Variants in PIK3R1 observed in about 807,000 individuals in gnomAD.
PIK3R1 encodes the protein phosphatidylinositol 3-kinase regulatory subunit alpha.
PIK3R1 carries 29 observed loss-of-function variants against 98.0 expected under a neutral mutation model. The observed-to-expected ratio is 0.30, with a 90% CI of 0.22 to 0.40. The LOEUF (loss-of-function observed/expected upper bound fraction) is 0.40. PIK3R1 is among the 10% of genes least tolerant of loss of function. The pLI is 1.00. For missense variants in PIK3R1, 596 were observed against 872.7 expected, an observed-to-expected ratio of 0.68 and a Z score of 3.99; for synonymous variants, 282 against 311.8, an observed-to-expected ratio of 0.90 and a Z score of 1.01.
chr5:68,262,807 G>GTATACATA (rs1164462631), intron 2 of PIK3R1, among the ~76,000 whole-genome samples: 171 of 6,560 alleles, frequency 0.026, 50 homozygotes, highest in Non-Finnish European at 0.032. Flanking sequence ...GTAGATACAT[G>GTATACATA]TATACATGTA....
intron 1 of PIK3R1, among the ~76,000 whole-genome samples, chr5:68,225,482 C>T (rs1256871420): frequency 6.6e-6 from 1 of 152,166 alleles, no homozygotes; most frequent in East Asian, 1.9e-4. Context: ...GATCAGGCAC[C>T]CTTTGCTCCT....
In PIK3R1 at chr5:68,293,442, T is replaced by C; in HGVS notation, c.1258T>C (p.Leu420=). Residue 420 remains leucine (L), a synonymous_variant, in exon 10 of 16, where the codon TTG becomes CTG. Coordinates refer to ENST00000521381, the MANE Select transcript of PIK3R1 (RefSeq NM_181523.3). ...NESLAQYNPK[L]DVKLLYPVSK... ...ATCTCTAGCTCAGTATAATCCCAAA[T>C]TGGATGTGAAATTACTTTATCCAGT... 1 of 1,612,858 alleles carries C rather than the reference T, an allele frequency of 6.2e-7. No individual in the cohort carries two copies. Among genetic ancestry groups the C allele is most frequent in the Non-Finnish European group, 8.5e-7 (1 of 1,179,310 alleles).
At chr5:68,216,900 T>C (rs1365436859) in intron 1 of PIK3R1, among the ~76,000 whole-genome samples, 20 of 152,164 alleles carry the variant, frequency 1.3e-4, no homozygotes, top group Non-Finnish European at 1.8e-4. Context: ...CAAGGATATA[T>C]GCAGAATGGC....
chr5:68,217,298 G>A (rs1212084697), intron 1 of PIK3R1, among the ~76,000 whole-genome samples: 1 of 152,122 alleles, frequency 6.6e-6, no homozygotes, highest in Non-Finnish European at 1.5e-5. Context: ...TTACGTTTTG[G>A]CAACCTTAAA....
chr5:68,230,625 G>A (rs1744431150), intron 2 of PIK3R1, among the ~76,000 whole-genome samples: 1 of 152,182 alleles, frequency 6.6e-6, no homozygotes, highest in Admixed American at 6.5e-5. Context: ...CCAGGGCCTG[G>A]GACAGGTAGT....
At chr5:68,273,558 C>T (rs1746449006) in intron 3 of PIK3R1, 76 bp downstream of exon 3, 2 of 1,245,946 alleles carry the variant, frequency 1.6e-6, no homozygotes, top group African/African-American at 1.5e-5. Context: ...GTCTCTTGTG[C>T]ATTCATTAAG....
chr5:68,286,236 A>G (rs974623446), intron 7 of PIK3R1, among the ~76,000 whole-genome samples: 2 of 152,230 alleles, frequency 1.3e-5, no homozygotes, highest in Admixed American at 1.3e-4. Context: ...ATATTGTTTT[A>G]AAGAATCCAG....
At chr5:68,223,965 C>G (rs1744185274) in intron 1 of PIK3R1, among the ~76,000 whole-genome samples, 1 of 152,174 alleles carries the variant, frequency 6.6e-6, no homozygotes, top group African/African-American at 2.4e-5. Context: ...AGAATCCCAC[C>G]AAACTGGCCC....
intron 2 of PIK3R1, among the ~76,000 whole-genome samples, chr5:68,246,793 T>C (rs1441775178): frequency 6.6e-6 from 1 of 152,212 alleles, no homozygotes; most frequent in Non-Finnish European, 1.5e-5. Context: ...TGTGTGTCTT[T>C]TTAAAAGATT....
chr5:68,251,877 C>G (rs1745322412), intron 2 of PIK3R1, among the ~76,000 whole-genome samples: 1 of 151,944 alleles, frequency 6.6e-6, no homozygotes, highest in South Asian at 2.1e-4. Context: ...GGGCCCTCAC[C>G]CGGTTGGGGG....
At chr5:68,282,145 CA>C (rs1338379506) in intron 7 of PIK3R1, among the ~76,000 whole-genome samples, 1 of 152,112 alleles carries the variant, frequency 6.6e-6, no homozygotes, top group Non-Finnish European at 1.5e-5. Flanking sequence ...AATGTTTTAA[CA>C]GGGGTGCCCA....
intron 1 of PIK3R1, among the ~76,000 whole-genome samples, chr5:68,219,524 C>G (rs142822322): frequency 6.6e-6 from 1 of 152,336 alleles, no homozygotes; most frequent in African/African-American, 2.4e-5. Flanking sequence ...CTACTCATCT[C>G]TAAATCCTGG....
chr5:68,273,468 C>T lies in PIK3R1; in HGVS notation c.413C>T (p.Ala138Val). ...CCTCTTCTTATCAAGCTCGTGGAAGCCATTGAAAAGAAAGGTAACCAGACT... is the reference window on the plus strand; with the variant it reads ...CCTCTTCTTATCAAGCTCGTGGAAGTCATTGAAAAGAAAGGTAACCAGACT... ...APPLLIKLVEAIEKKGLECST... is the reference protein window; with the variant it reads ...APPLLIKLVEVIEKKGLECST... The change falls in exon 3 of 16, where the codon GCC becomes GTC. Residue 138 changes from alanine (A) to valine (V), a missense_variant. Transcript: ENST00000521381. 1.2e-6 allele frequency: 2 copies of T among 1,613,768 alleles called. No individual in the cohort carries two copies. Among genetic ancestry groups the T allele is most frequent in the African/African-American group, 1.3e-5 (1 of 74,972 alleles).
intron 2 of PIK3R1, among the ~76,000 whole-genome samples, chr5:68,248,699 C>G (rs1004550476): frequency 1.3e-5 from 2 of 152,106 alleles, no homozygotes; most frequent in African/African-American, 2.4e-5. Context: ...GAACTAAGCA[C>G]TGTAACAACT....
rs761431445 is a variant in PIK3R1 at position 68,226,851 on chromosome 5, A to G, written c.176A>G (p.Tyr59Cys). 5.0e-6 allele frequency: 8 copies of G among 1,614,190 alleles called. No homozygotes were observed. The highest frequency in any genetic ancestry group is 3.3e-5 in the South Asian group (3 of 91,088). Residue 59 changes from tyrosine to cysteine, a missense_variant, in exon 2 of 16, where the codon TAT becomes TGT. Tyr to Cys is a radical substitution (Grantham distance 194). Transcript: ENST00000521381. ...GAAGAAATTGGCTGGTTAAATGGCT[A>G]TAATGAAACCACAGGGGAAAGGGGG... is the stretch of plus-strand genomic sequence containing the variant. Reference protein sequence around the residue: ...RPEEIGWLNGYNETTGERGDF... With the variant: ...RPEEIGWLNGCNETTGERGDF...
chr5:68,292,186 A>G, intron 7 of PIK3R1, 73 bp from the exon 8 acceptor site: 1 of 863,682 alleles, frequency 1.2e-6, no homozygotes, highest in Non-Finnish European at 1.9e-6. Flanking sequence ...TTTTAAAGTA[A>G]AAGTATTCAT....
chr5:68,234,063 A>G lies in PIK3R1; in HGVS notation c.334+7054A>G, dbSNP rs140212426. On this transcript the variant is annotated intron_variant, in intron 2 of 15. Coordinates refer to ENST00000521381, the MANE Select transcript of PIK3R1 (RefSeq NM_181523.3). ...ACGTAATTTGATGATCAAATCTGAT[A>G]TCCAAGATCGTAAAGAATATAGGCA... Among the ~76,000 whole-genome samples, 730 of 152,356 alleles carry G rather than the reference A, an allele frequency of 4.8e-3. 17 individuals are homozygous for G. Among genetic ancestry groups the G allele is most frequent in the East Asian group, 0.03 (157 of 5,190 alleles).
intron 7 of PIK3R1, among the ~76,000 whole-genome samples, chr5:68,289,154 C>T (rs933785500): frequency 2.6e-5 from 4 of 152,102 alleles, no homozygotes; most frequent in African/African-American, 7.2e-5. Context: ...CACAGCTGCT[C>T]GGAGAACTTG....
At chr5:68,263,177 A>C (rs1015227673) in intron 2 of PIK3R1, among the ~76,000 whole-genome samples, 6 of 144,424 alleles carry the variant, frequency 4.2e-5, no homozygotes, top group Non-Finnish European at 7.6e-5. Flanking sequence ...ATATATATCT[A>C]TATATACATA....
Sources: gnomAD v4.1 joint callset for allele counts (sites outside exome capture counted in the v4.1 genomes callset) on GRCh38, gnomAD v4.1.1 for gene constraint, MANE v1.5 for transcripts, NCBI Gene and HGNC (gene_info 2026-07-23, HGNC 2026-07-21) for gene names.